Variants in CHRNA4 observed in about 807,000 individuals in gnomAD.
CHRNA4 encodes cholinergic receptor nicotinic alpha 4 subunit.
CHRNA4 carries 28 observed loss-of-function variants against 48.9 expected under a neutral mutation model. The observed-to-expected ratio is 0.57, with a 90% CI of 0.42 to 0.79. CHRNA4 has a LOEUF of 0.79. Ranked by LOEUF, CHRNA4 falls within the 30% of genes least tolerant of loss-of-function variation. The pLI is 0.00. For synonymous variants in CHRNA4, 425 were observed against 402.3 expected (o/e 1.06, Z -0.68); for missense variants, 859 against 898.4 (o/e 0.96, Z 0.56).
intron 4 of CHRNA4, among the ~76,000 whole-genome samples, chr20:63,354,204 T>C (rs2068680516): frequency 2.2e-5 from 2 of 91,200 alleles, no homozygotes; most frequent in Non-Finnish European, 4.0e-5. Context: ...GGGGGGGCTG[T>C]GGTCCTGGGG....
chr20:63,348,757 G>A (rs1166225580), intron 5 of CHRNA4, among the ~76,000 whole-genome samples: 3 of 52,030 alleles, frequency 5.8e-5, no homozygotes, highest in East Asian at 5.4e-4. Flanking sequence ...CACCCGTCCC[G>A]CCCCATTATC....
intron 2 of CHRNA4, 165 bp downstream of exon 2, chr20:63,359,383 C>G: frequency 1.2e-6 from 1 of 863,368 alleles, no homozygotes; most frequent in Non-Finnish European, 1.8e-6. Context: ...GGCTGGGGCT[C>G]AGGCGGGGCA....
chr20:63,355,389 C>G lies in CHRNA4; in HGVS notation c.383+586G>C, dbSNP rs902169016. The G allele has an allele frequency of 1.2e-5, 8 of 690,126 alleles. No individual in the cohort carries two copies. The African/African-American group carries it at 1.5e-4, about 13-fold the overall frequency. 42.8% of individuals were successfully genotyped at this position (690,126 alleles called of 1,614,324 possible). On this transcript the variant is annotated intron_variant, in intron 4 of 5. Coordinates refer to ENST00000370263, the MANE Select transcript of CHRNA4 (RefSeq NM_000744.7). Reference sequence around the variant, plus strand: ...GACATGGGCTTGGCCCAGCCCGAGGCTTTGTTTGTTTGCTGGGGACCTGGC... The same window carrying G: ...GACATGGGCTTGGCCCAGCCCGAGGGTTTGTTTGTTTGCTGGGGACCTGGC...
At position 63,350,162 on chromosome 20, in the gene CHRNA4, C is replaced by T. The variant is rs369269532; in HGVS notation, c.1249G>A (p.Glu417Lys). 4.4e-6 allele frequency: 7 copies of T among 1,583,424 alleles called. No individual in the cohort carries two copies. The highest frequency in any genetic ancestry group is 6.0e-6 in the Non-Finnish European group (7 of 1,162,790). The change falls in exon 5 of 6, where the codon GAG (glutamate) becomes AAG (lysine). Residue 417 changes from glutamate to lysine, a missense_variant. Physicochemically the swap from Glu to Lys is moderately conservative, Grantham distance 56. Around this residue, in one of 3 missense-constraint regions of CHRNA4, gnomAD observed 478 missense variants for 455.4 expected, o/e 1.05. Coordinates refer to ENST00000370263, the MANE Select transcript of CHRNA4 (RefSeq NM_000744.7). ...GGTGACTTGCAGGAAGGCCCAGGCT[C>T]AGCCGGCACATCCAGGGGGACACAG... ...SFCVPLDVPA[E>K]PGPSCKSPSD...
Position 63,343,516 on chromosome 20 carries a change from C to A in CHRNA4, c.*3222G>T. ...AGCAGTCCCACAGCAGCTGCGTGCC[C>A]TAGAGTGTCCTGGGCCCGGCCTTAA... is the stretch of plus-strand genomic sequence containing the variant. On this transcript the variant is annotated 3_prime_UTR_variant, in exon 6 of 6. Coordinates refer to ENST00000370263, the MANE Select transcript of CHRNA4 (RefSeq NM_000744.7). 2.2e-6 allele frequency: 1 copy of A among 454,160 alleles called. No individual in the cohort carries two copies. The highest frequency in any genetic ancestry group is 4.4e-6 in the Non-Finnish European group (1 of 226,782). 28.1% of individuals were successfully genotyped at this position (454,160 alleles called of 1,614,324 possible). A position where few individuals can be genotyped will look rare whatever the true frequency, so the allele number is the denominator to read the frequency against.
rs201358498 is a variant in CHRNA4 at position 63,344,759 on chromosome 20, G to T, written c.*1979C>A. ...CCTCTGAGACCAGTGTCTCCTGCCA[G>T]CTTCCATGGCCCCGGGATGACCTCA... On this transcript the variant is annotated 3_prime_UTR_variant, in exon 6 of 6. Transcript: ENST00000370263. This position sits in a 1 kb window ranked among gnomAD's most constrained non-coding sequence, Gnocchi z 4.5. 68 of 454,020 alleles carry T rather than the reference G, an allele frequency of 1.5e-4. No individual in the cohort carries two copies. Among genetic ancestry groups the T allele is most frequent in the Admixed American group, 1.9e-4 (8 of 42,560 alleles). The allele number at this position is 454,020 out of a possible 1,614,324, so 28.1% of individuals were successfully genotyped here.
In CHRNA4 at chr20:63,350,544, C is replaced by T; in HGVS notation, c.867G>A (p.Leu289=). The change falls in exon 5 of 6, where the codon CTG becomes CTA. Residue 289 remains leucine, a synonymous_variant. Transcript: ENST00000370263. ...ACGGGATGATCTCGGTGATGAGCAG[C>T]AGGAAGACGGTGAGCGACAGCAGCA... The part of the protein sequence containing the change: ...ISVLLSLTVF[L]LLITEIIPST... 1.2e-6 allele frequency: 2 copies of T among 1,613,872 alleles called. No homozygotes were observed. The highest frequency in any genetic ancestry group is 2.2e-5 in the East Asian group (1 of 44,868).
chr20:63,359,422 A>G, intron 2 of CHRNA4, 126 bp downstream of exon 2: 1 of 1,254,410 alleles, frequency 8.0e-7, no homozygotes. Context: ...CTGACGTACC[A>G]GCCCGGGCCG....
Position 63,344,752 on chromosome 20 carries a change from C to G in CHRNA4, c.*1986G>C, listed in dbSNP as rs1335738993. 2 of 454,026 alleles carry G rather than the reference C, an allele frequency of 4.4e-6. No individual in the cohort carries two copies. The allele number at this position is 454,026 out of a possible 1,614,324, so 28.1% of individuals were successfully genotyped here. A position where few individuals can be genotyped will look rare whatever the true frequency, so the allele number is the denominator to read the frequency against. ...TATCCCTCCTCTGAGACCAGTGTCT[C>G]CTGCCAGCTTCCATGGCCCCGGGAT... On this transcript the variant is annotated 3_prime_UTR_variant, in exon 6 of 6. Coordinates refer to ENST00000370263, the MANE Select transcript of CHRNA4 (RefSeq NM_000744.7). The surrounding 1 kb of genome is among the most constrained non-coding windows in gnomAD (Gnocchi z 4.5).
chr20:63,360,299 CCT>C (rs959163127), intron 1 of CHRNA4: 3 of 165,678 alleles, frequency 1.8e-5, no homozygotes, highest in African/African-American at 4.8e-5. Context: ...TCATCAATCC[CCT>C]GATGCCCGAG....
rs201021732 is a variant in CHRNA4 at position 63,349,763 on chromosome 20, T to C, written c.1648A>G (p.Ser550Gly). The C allele has an allele frequency of 1.2e-6, 2 of 1,611,800 alleles. No individual in the cohort carries two copies. The highest frequency in any genetic ancestry group is 1.7e-6 in the Non-Finnish European group (2 of 1,179,268). The change falls in exon 5 of 6, where the codon AGC (serine) becomes GGC (glycine). Residue 550 changes from serine (S) to glycine (G), a missense_variant. This residue lies in a region of CHRNA4 where 478 missense variants were observed against 455.4 expected (regional missense o/e 1.05). Coordinates refer to ENST00000370263, the MANE Select transcript of CHRNA4 (RefSeq NM_000744.7). Reference sequence around the variant, plus strand: ...AGGTGCGGGGGCGGCGCTTTGGTGCTGCGGGTCTTGACCGTGGCGCTCGGG... The same window carrying C: ...AGGTGCGGGGGCGGCGCTTTGGTGCCGCGGGTCTTGACCGTGGCGCTCGGG... Reference protein sequence around the residue: ...VSPSATVKTRSTKAPPPHLPL... With the variant: ...VSPSATVKTRGTKAPPPHLPL...
rs942484647 is a variant in CHRNA4, at chr20:63,361,312, T to C, written c.-147A>G. 2 of 1,182,908 alleles carry C rather than the reference T, an allele frequency of 1.7e-6. No homozygotes were observed. The highest frequency in any genetic ancestry group is 1.9e-5 in the African/African-American group (1 of 51,468). The allele number at this position is 1,182,908 out of a possible 1,614,324, so 73.3% of individuals were successfully genotyped here. A position where few individuals can be genotyped will look rare whatever the true frequency, so the allele number is the denominator to read the frequency against. ...GTTCGTCTTCTCCTGTGGGGCGCGG[T>C]GCGGCGGCGGCGCGGCAGGGAGCGC... On this transcript the variant is annotated 5_prime_UTR_variant, in exon 1 of 6. Coordinates refer to ENST00000370263, the MANE Select transcript of CHRNA4 (RefSeq NM_000744.7).
chr20:63,349,768 G>T lies in CHRNA4; in HGVS notation c.1643C>A (p.Thr548Asn). 1 of 1,611,378 alleles carries T rather than the reference G, an allele frequency of 6.2e-7. No individual in the cohort carries two copies. Among genetic ancestry groups the T allele is most frequent in the Admixed American group, 1.7e-5 (1 of 59,952 alleles). The change falls in exon 5 of 6, where the codon ACC (threonine) becomes AAC (asparagine). Residue 548 changes from threonine (T) to asparagine (N), a missense_variant. This residue lies in a region of CHRNA4 where 478 missense variants were observed against 455.4 expected (regional missense o/e 1.05). Transcript: ENST00000370263. ...CGGGGGCGGCGCTTTGGTGCTGCGG[G>T]TCTTGACCGTGGCGCTCGGGGACAC... is the stretch of plus-strand genomic sequence containing the variant. ...SSVSPSATVK[T>N]RSTKAPPPHL... is the part of the protein sequence containing the mutation.
chr20:63,355,506 G>A, intron 4 of CHRNA4: 1 of 1,290,146 alleles, frequency 7.8e-7, no homozygotes, highest in African/African-American at 1.5e-5. Flanking sequence ...CCCTCTCCAG[G>A]GCACCCTGCA....
chr20:63,356,696 G>A (rs2068723719), intron 2 of CHRNA4: 4 of 550,318 alleles, frequency 7.3e-6, no homozygotes, highest in Non-Finnish European at 1.3e-5. Context: ...AAGGACAGGT[G>A]TGGCGGGCAT....
In CHRNA4 at chr20:63,344,227, G is replaced by A. The variant is rs1201580535; in HGVS notation, c.*2511C>T. 3 of 453,910 alleles carry A rather than the reference G, an allele frequency of 6.6e-6. No individual in the cohort carries two copies. The highest frequency in any genetic ancestry group is 1.3e-5 in the Non-Finnish European group (3 of 226,760). 28.1% of individuals were successfully genotyped at this position (453,910 alleles called of 1,614,324 possible). A position where few individuals can be genotyped will look rare whatever the true frequency, so the allele number is the denominator to read the frequency against. On this transcript the variant is annotated 3_prime_UTR_variant, in exon 6 of 6. Transcript: ENST00000370263. This position sits in a 1 kb window ranked among gnomAD's most constrained non-coding sequence, Gnocchi z 4.5. Reference sequence around the variant, plus strand: ...CCAGACATCAAAGGCTCCAACTGCAGGATTCTGACTCCTCGAAGGTCGTGA... The same window carrying A: ...CCAGACATCAAAGGCTCCAACTGCAAGATTCTGACTCCTCGAAGGTCGTGA...
chr20:63,360,939 T>C, intron 1 of CHRNA4, 151 bp downstream of exon 1: 1 of 603,116 alleles, frequency 1.7e-6, no homozygotes, highest in Non-Finnish European at 2.5e-6. Context: ...GCGCAGCCTG[T>C]GCGGCTGGGG....
chr20:63,350,328 C>A lies in CHRNA4; in HGVS notation c.1083G>T (p.Pro361=), dbSNP rs202140852. 3 of 1,613,240 alleles carry A rather than the reference C, an allele frequency of 1.9e-6. No homozygotes were observed. The African/African-American group carries it at 4.0e-5, about 22-fold the overall frequency. ...IVPRLLLMKR[P]SVVKDNCRRL... The stretch of plus-strand genomic sequence containing the variant: ...GCCGGCAATTGTCCTTGACCACGGA[C>A]GGCCGCTTCATGAGGAGCAGGCGTG... Residue 361 remains proline, a synonymous_variant, in exon 5 of 6, where the codon CCG becomes CCT. Coordinates refer to ENST00000370263, the MANE Select transcript of CHRNA4 (RefSeq NM_000744.7).
intron 5 of CHRNA4, among the ~76,000 whole-genome samples, chr20:63,347,952 A>G (rs1181375879): frequency 6.6e-6 from 1 of 152,200 alleles, no homozygotes; most frequent in Non-Finnish European, 1.5e-5. Context: ...GGTCACTTAT[A>G]AATAAAGTCC....
Sources: gnomAD v4.1 joint callset for allele counts (sites outside exome capture counted in the v4.1 genomes callset) on GRCh38, gnomAD v4.1.1 for gene constraint, gnomAD v4.1.1 regional missense constraint, Gnocchi (gnomAD v3.1) non-coding constraint, MANE v1.5 for transcripts, NCBI Gene and HGNC (gene_info 2026-07-23, HGNC 2026-07-21) for gene names.